Variants in ZNF831 observed in about 807,000 individuals in gnomAD.
The protein encoded by ZNF831 is chromosome 20 open reading frame 174.
ZNF831 carries 59 observed loss-of-function variants against 95.8 expected under a neutral mutation model. The ratio of observed to expected loss-of-function variants is 0.62; its 90% CI spans 0.50 to 0.77. The LOEUF (loss-of-function observed/expected upper bound fraction) is 0.77. Ranked by LOEUF, ZNF831 falls within the 30% of genes least tolerant of loss-of-function variation. ZNF831 has a pLI of 0.00. For missense variants in ZNF831, 2,205 were observed against 2,164.0 expected (o/e 1.02, Z -0.38); for synonymous variants, 961 against 925.5 (o/e 1.04, Z -0.70).
At chr20:59,139,474 A>G (rs1979608886) in intron 1 of ZNF831, among the ~76,000 whole-genome samples, 1 of 152,178 alleles carries the variant, frequency 6.6e-6, no homozygotes, top group Non-Finnish European at 1.5e-5. Flanking sequence ...TGGCTCTTAG[A>G]GTCCACAGTG....
At position 59,170,195 on chromosome 20, in the gene ZNF831, G is replaced by A. The variant is rs544707100; in HGVS notation, c.-37+5988G>A. Among the ~76,000 whole-genome samples the A allele has an allele frequency of 1.1e-4, 16 of 152,250 alleles. No homozygotes were observed. The East Asian group carries it at 3.1e-3, about 29-fold the overall frequency. ...AGGTGTATATATTTGTGGGGTACAT[G>A]AAATGTTTTGATACAGGCATGCAGT... On this transcript the variant is annotated intron_variant, in intron 1 of 5. Transcript: ENST00000371030.
At chr20:59,222,145 G>T (rs1234512704) in intron 4 of ZNF831, among the ~76,000 whole-genome samples, 2 of 152,218 alleles carry the variant, frequency 1.3e-5, no homozygotes, top group African/African-American at 4.8e-5. Flanking sequence ...CTACTCAGGG[G>T]CTGTAACTTT....
At chr20:59,163,255 C>A (rs564893550), upstream of ZNF831, among the ~76,000 whole-genome samples, 1 of 152,124 alleles carries the variant, frequency 6.6e-6, no homozygotes, top group East Asian at 1.9e-4. Flanking sequence ...GATAACTTGA[C>A]TTCCTCTTTT....
chr20:59,125,721 T>A (rs1333031311), intron 1 of ZNF831, among the ~76,000 whole-genome samples: 1 of 152,116 alleles, frequency 6.6e-6, no homozygotes, highest in Non-Finnish European at 1.5e-5. Flanking sequence ...AAAATAAAAT[T>A]ATGAGAGAGT....
At chr20:59,250,047 G>A (rs919787581) in intron 4 of ZNF831, among the ~76,000 whole-genome samples, 7 of 152,128 alleles carry the variant, frequency 4.6e-5, no homozygotes, top group Admixed American at 1.3e-4. Context: ...ACCAGGTGTG[G>A]CTGAAAACAA....
At chr20:59,251,871 A>G (rs1201705507) in intron 4 of ZNF831, among the ~76,000 whole-genome samples, 2 of 152,246 alleles carry the variant, frequency 1.3e-5, no homozygotes, top group East Asian at 3.8e-4. Flanking sequence ...GTAGTATACT[A>G]CAAGATTCAG....
intron 4 of ZNF831, among the ~76,000 whole-genome samples, chr20:59,240,308 A>G (rs1987251974): frequency 6.6e-6 from 1 of 152,104 alleles, no homozygotes; most frequent in African/African-American, 2.4e-5. Flanking sequence ...CAGATCATAG[A>G]TGTCCTTTCC....
At chr20:59,140,986 T>A (rs1979659862) in intron 1 of ZNF831, among the ~76,000 whole-genome samples, 1 of 152,092 alleles carries the variant, frequency 6.6e-6, no homozygotes, top group Non-Finnish European at 1.5e-5. Context: ...TGCAACCTCT[T>A]CCTCCCAGGT....
Position 59,206,898 on chromosome 20 carries a change from T to C in ZNF831, c.3876-7T>C, listed in dbSNP as rs1279358524. ...GGTTACTGCAAGCATGCTTCTCTCTTCTACAGGTACAAAGGGAATTTCTTG... is the reference window on the plus strand; with the variant it reads ...GGTTACTGCAAGCATGCTTCTCTCTCCTACAGGTACAAAGGGAATTTCTTG... On this transcript the variant is annotated splice_polypyrimidine_tract_variant and splice_region_variant and intron_variant, in intron 3 of 5. Coordinates refer to ENST00000371030, the MANE Select transcript of ZNF831 (RefSeq NM_178457.3). 1.2e-6 allele frequency: 2 copies of C among 1,613,162 alleles called. No homozygotes were observed. The highest frequency in any genetic ancestry group is 1.7e-6 in the Non-Finnish European group (2 of 1,179,640).
chr20:59,258,839 A>T lies in ZNF831; in HGVS notation c.*4096A>T, dbSNP rs1192555551. On this transcript the variant is annotated 3_prime_UTR_variant, in exon 6 of 6. Transcript: ENST00000371030. ...ATCCATGCTTTGCACTTACGTAGGAATATACATAATTTGGTCTGAAGAAGT... is the reference window on the plus strand; with the variant it reads ...ATCCATGCTTTGCACTTACGTAGGATTATACATAATTTGGTCTGAAGAAGT... 6.6e-6 allele frequency: 1 copy of T among 152,208 alleles called. No individual in the cohort carries two copies. Among genetic ancestry groups the T allele is most frequent in the Non-Finnish European group, 1.5e-5 (1 of 68,036 alleles). The allele number at this position is 152,208 out of a possible 1,614,324, so 9.4% of individuals were successfully genotyped here.
At chr20:59,171,386 C>T (rs1981722595) in intron 1 of ZNF831, among the ~76,000 whole-genome samples, 1 of 152,250 alleles carries the variant, frequency 6.6e-6, no homozygotes, top group Non-Finnish European at 1.5e-5. Flanking sequence ...AAATTTCTAT[C>T]TGGCACAGTC....
intron 1 of ZNF831, among the ~76,000 whole-genome samples, chr20:59,190,312 T>C (rs1983402366): frequency 6.6e-6 from 1 of 152,252 alleles, no homozygotes; most frequent in African/African-American, 2.4e-5. Flanking sequence ...GACATACTTA[T>C]ACCAAAAGTA....
intron 1 of ZNF831, among the ~76,000 whole-genome samples, chr20:59,124,586 C>T (rs998981): frequency 0.13 from 20,491 of 152,002 alleles, 1,499 homozygotes; most frequent in African/African-American, 0.15. Context: ...CAGACGCCTC[C>T]GTGGGTACAG....
chr20:59,145,993 T>C (rs952797153), intron 1 of ZNF831, among the ~76,000 whole-genome samples: 2 of 152,176 alleles, frequency 1.3e-5, no homozygotes, highest in South Asian at 2.1e-4. Flanking sequence ...TGTTTGCAAA[T>C]GTTCAGTGTA....
intron 1 of ZNF831, among the ~76,000 whole-genome samples, chr20:59,143,795 G>C (rs1482245842): frequency 6.6e-6 from 1 of 152,166 alleles, no homozygotes; most frequent in Non-Finnish European, 1.5e-5. Context: ...GGATTGTATT[G>C]CAAGTCTGGC....
chr20:59,153,467 T>C (rs1319247887), intron 2 of ZNF831, among the ~76,000 whole-genome samples: 1 of 152,162 alleles, frequency 6.6e-6, no homozygotes, highest in South Asian at 2.1e-4. Flanking sequence ...GATTGCCTCA[T>C]TGAGGGAGTG....
At position 59,192,460 on chromosome 20, in the gene ZNF831, C is replaced by T. The variant is rs763766450; in HGVS notation, c.1441C>T (p.Arg481Trp). The T allele has an allele frequency of 8.8e-6, 14 of 1,595,970 alleles. No individual in the cohort carries two copies. The highest frequency in any genetic ancestry group is 1.2e-5 in the Non-Finnish European group (14 of 1,171,920). ...CACCTGGACGCCCCCAGACAAGTCT[C>T]GGCCCCTCTTCTTCCACTCCGTCCC... The part of the protein sequence containing the change: ...RSTWTPPDKS[R>W]PLFFHSVPTQ... The change falls in exon 2 of 6, where the codon CGG becomes TGG. Residue 481 changes from arginine (R) to tryptophan (W), a missense_variant. Transcript: ENST00000371030. The surrounding 1 kb of genome is among the most constrained non-coding windows in gnomAD (Gnocchi z 5.2).
intron 4 of ZNF831, among the ~76,000 whole-genome samples, chr20:59,235,200 T>G (rs989128603): frequency 6.6e-6 from 1 of 152,068 alleles, no homozygotes; most frequent in Non-Finnish European, 1.5e-5. Context: ...AGGGATGAAG[T>G]GCCATTTTCA....
At chr20:59,244,724 T>C (rs954266408) in intron 4 of ZNF831, among the ~76,000 whole-genome samples, 1 of 152,228 alleles carries the variant, frequency 6.6e-6, no homozygotes, top group African/African-American at 2.4e-5. Context: ...CAAAGGCTCA[T>C]ACCAGATGTA....
Sources: allele counts gnomAD v4.1 joint callset (sites outside exome capture counted in the v4.1 genomes callset), GRCh38; gene constraint gnomAD v4.1.1; non-coding constraint Gnocchi (gnomAD v3.1); transcripts MANE v1.5; gene names NCBI Gene and HGNC (gene_info 2026-07-23, HGNC 2026-07-21).